Variants in FBXO24 observed in about 807,000 individuals in gnomAD.
FBXO24 encodes the protein F-box protein 24, also known as F-box only protein 24.
Under a neutral mutation model 63.5 loss-of-function variants are expected in FBXO24, and 30 were observed. The ratio of observed to expected loss-of-function variants is 0.47; its 90% CI spans 0.35 to 0.64. FBXO24 has a LOEUF of 0.64. Ranked by LOEUF, FBXO24 falls within the 30% of genes least tolerant of loss-of-function variation. The pLI, the probability that FBXO24 is intolerant of heterozygous loss-of-function variation, is 0.00. For synonymous variants in FBXO24, 300 were observed against 305.0 expected, an observed-to-expected ratio of 0.98 and a Z score of 0.17; for missense variants, 624 against 763.4, an observed-to-expected ratio of 0.82 and a Z score of 2.15.
At chr7:100,587,491 C>T (rs1329200866) in intron 1 of FBXO24, among the ~76,000 whole-genome samples, 1 of 151,154 alleles carries the variant, frequency 6.6e-6, no homozygotes, top group African/African-American at 2.4e-5. Context: ...TTAGTAGAGA[C>T]GGGGTTTCAC....
rs1390057500 is a variant in FBXO24, at chr7:100,600,130, G to A, written c.1306G>A (p.Gly436Ser). ...GTTCAGCAAGGAGCTGCTGGGCTGC[G>A]GCTGTGGGGCTGGGGGCCGCCTCCC... Reference protein sequence around the residue: ...SEFSKELLGCGCGAGGRLPGW... With the variant: ...SEFSKELLGCSCGAGGRLPGW... The change falls in exon 9 of 10, where the codon GGC (glycine) becomes AGC (serine). Residue 436 changes from glycine to serine, a missense_variant. Physicochemically the swap from Gly to Ser is moderately conservative, Grantham distance 56. Transcript: ENST00000241071. The surrounding 1 kb of genome is among the most constrained non-coding windows in gnomAD (Gnocchi z 6.3). 7.5e-6 allele frequency: 12 copies of A among 1,599,800 alleles called. No individual in the cohort carries two copies. The highest frequency in any genetic ancestry group is 1.1e-5 in the South Asian group (1 of 88,550).
At position 100,586,565 on chromosome 7, in the gene FBXO24, A is replaced by G; in HGVS notation, c.-61A>G. The G allele has an allele frequency of 6.4e-7, 1 of 1,572,440 alleles. No individual in the cohort carries two copies. The highest frequency in any genetic ancestry group is 1.7e-5 in the Admixed American group (1 of 59,706). On this transcript the variant is annotated 5_prime_UTR_variant, in exon 1 of 10. Transcript: ENST00000241071. ...AGTGACTGTCAAGAAGGCCAATTAG[A>G]GCCTCCGAAGGGAATCTGGACCTGC...
intron 1 of FBXO24, among the ~76,000 whole-genome samples, chr7:100,587,833 T>A (rs954153582): frequency 2.7e-5 from 4 of 148,912 alleles, no homozygotes; most frequent in Non-Finnish European, 4.5e-5. Context: ...ACTTTTGACC[T>A]CAAGCGATCC....
chr7:100,593,925 T>C (rs1261132063), intron 5 of FBXO24, among the ~76,000 whole-genome samples: 1 of 151,992 alleles, frequency 6.6e-6, no homozygotes, highest in East Asian at 1.9e-4. Flanking sequence ...CCTGAGACCC[T>C]TTAGGCTTTT....
intron 8 of FBXO24, 60 bp downstream of exon 8, chr7:100,595,766 A>C (rs1802277666): frequency 6.6e-7 from 1 of 1,513,912 alleles, no homozygotes; most frequent in East Asian, 2.3e-5. Flanking sequence ...CCTAACCCCC[A>C]GATCTGTCCA....
Position 100,586,420 on chromosome 7 carries a change from G to T in FBXO24, c.-206G>T, listed in dbSNP as rs565419330. 4 of 649,678 alleles carry T rather than the reference G, an allele frequency of 6.2e-6. No individual in the cohort carries two copies. The South Asian group carries it at 7.3e-5, about 12-fold the overall frequency. The allele number at this position is 649,678 out of a possible 1,614,324, so 40.2% of individuals were successfully genotyped here. A position where few individuals can be genotyped will look rare whatever the true frequency, so the allele number is the denominator to read the frequency against. ...TCAGATCGGGAGGTGGAGCCAATCA[G>T]GTCCAACCAAGAGGAGGGGACACCG... is the stretch of plus-strand genomic sequence containing the variant. On this transcript the variant is annotated 5_prime_UTR_variant, in exon 1 of 10. In the 5' UTR this introduces an upstream ATG that the reference lacks. Transcript: ENST00000241071.
At chr7:100,595,513 T>G (rs1396839037) in intron 7 of FBXO24, 62 bp from the exon 8 acceptor site, 5 of 1,516,658 alleles carry the variant, frequency 3.3e-6, no homozygotes, top group Non-Finnish European at 4.4e-6. Context: ...TTGGAGACTC[T>G]GGAACTCAGA....
chr7:100,600,785 A>T lies in FBXO24; in HGVS notation c.1629A>T (p.Val543=), dbSNP rs1802571342. The change falls in exon 10 of 10, where the codon GTA becomes GTT. Residue 543 remains valine (V), a synonymous_variant. Transcript: ENST00000241071. The surrounding 1 kb of genome is among the most constrained non-coding windows in gnomAD (Gnocchi z 6.3). Reference sequence around the variant, plus strand: ...GCACGGAGAAGATGAAGGAGATCGTAGGGTGGATGCCCCTGATGGCCGCAC... The same window carrying T: ...GCACGGAGAAGATGAAGGAGATCGTTGGGTGGATGCCCCTGATGGCCGCAC... ...QDRTEKMKEI[V]GWMPLMAAQK... The T allele has an allele frequency of 6.2e-7, 1 of 1,614,000 alleles. No individual in the cohort carries two copies. The highest frequency in any genetic ancestry group is 1.7e-5 in the Admixed American group (1 of 60,008).
At chr7:100,599,744 G>A (rs1183369479) in intron 8 of FBXO24, 2 of 410,378 alleles carry the variant, frequency 4.9e-6, no homozygotes, top group Non-Finnish European at 9.0e-6. Context: ...ATAGACGGGT[G>A]GGCTGAGAAT....
chr7:100,589,657 A>G, intron 1 of FBXO24: 1 of 1,501,136 alleles, frequency 6.7e-7, no homozygotes. Flanking sequence ...TGGGAAAGCC[A>G]GCAGGAACGG....
At chr7:100,596,786 T>G (rs1202970223) in intron 8 of FBXO24, among the ~76,000 whole-genome samples, 1 of 152,170 alleles carries the variant, frequency 6.6e-6, no homozygotes, top group African/African-American at 2.4e-5. Flanking sequence ...CTCACACCTG[T>G]AATCCCAGCA....
intron 1 of FBXO24, among the ~76,000 whole-genome samples, chr7:100,587,938 G>T (rs371542359): frequency 6.6e-6 from 1 of 151,126 alleles, no homozygotes; most frequent in East Asian, 2.0e-4. Flanking sequence ...GAGTCGCTCT[G>T]TTGCCCAGGC....
chr7:100,600,056 C>A lies in FBXO24; in HGVS notation c.1232C>A (p.Thr411Asn). 1 of 1,610,436 alleles carries A rather than the reference C, an allele frequency of 6.2e-7. No individual in the cohort carries two copies. The highest frequency in any genetic ancestry group is 8.5e-7 in the Non-Finnish European group (1 of 1,179,184). ...TQVCYLQRPI[T>N]LWCGLNHSLV... ...GTTTGTTACCTGCAGCGGCCCATCACCCTGTGGTGCGGCCTCAACCACTCC... is the reference window on the plus strand; with the variant it reads ...GTTTGTTACCTGCAGCGGCCCATCAACCTGTGGTGCGGCCTCAACCACTCC... The change falls in exon 9 of 10, where the codon ACC becomes AAC. Residue 411 changes from threonine (T) to asparagine (N), a missense_variant. By Grantham distance (65) the Thr-to-Asn change is moderately conservative. This residue lies in a region of FBXO24 where 216 missense variants were observed against 245.2 expected (regional missense o/e 0.88). Transcript: ENST00000241071. The surrounding 1 kb of genome is among the most constrained non-coding windows in gnomAD (Gnocchi z 6.3).
chr7:100,591,369 G>A (rs1802017951), intron 3 of FBXO24, among the ~76,000 whole-genome samples: 1 of 152,126 alleles, frequency 6.6e-6, no homozygotes, highest in African/African-American at 2.4e-5. Flanking sequence ...CGCAGCCTCT[G>A]TGTCTTTATT....
chr7:100,595,099 C>T lies in FBXO24; in HGVS notation c.953-3C>T. 6.2e-7 allele frequency: 1 copy of T among 1,613,966 alleles called. No individual in the cohort carries two copies. Among genetic ancestry groups the T allele is most frequent in the East Asian group, 2.2e-5 (1 of 44,884 alleles). On this transcript the variant is annotated splice_region_variant and splice_polypyrimidine_tract_variant and intron_variant, in intron 6 of 9. Transcript: ENST00000241071. ...GCTGAGCTGAGGGCTCCTGACCCCCCAGACCAGGGGGGAGTGTATTTTGAG... is the reference window on the plus strand; with the variant it reads ...GCTGAGCTGAGGGCTCCTGACCCCCTAGACCAGGGGGGAGTGTATTTTGAG...
In FBXO24 at chr7:100,586,472, G is replaced by T; in HGVS notation, c.-154G>T. 1 of 785,908 alleles carries T rather than the reference G, an allele frequency of 1.3e-6. No individual in the cohort carries two copies. The highest frequency in any genetic ancestry group is 2.1e-6 in the Non-Finnish European group (1 of 469,366). 48.7% of individuals were successfully genotyped at this position (785,908 alleles called of 1,614,324 possible). On this transcript the variant is annotated 5_prime_UTR_variant, in exon 1 of 10. It introduces an in-frame stop codon into an upstream open reading frame of the 5' UTR. Coordinates refer to ENST00000241071, the MANE Select transcript of FBXO24 (RefSeq NM_033506.3). ...CACTCCACTAGCAGGAAAACGGGCC[G>T]AGGGACCGCAAGCAGGGGGTGCCTA...
Position 100,600,753 on chromosome 7 carries a change from CAGGACCG to C in FBXO24, c.1598_1604del (p.Gln533ProfsTer5). 3 of 1,614,186 alleles carry C rather than the reference CAGGACCG, an allele frequency of 1.9e-6. No homozygotes were observed. Among genetic ancestry groups the C allele is most frequent in the Non-Finnish European group, 2.5e-6 (3 of 1,180,028 alleles). On this transcript the variant is annotated frameshift_variant, in exon 10 of 10. Transcript: ENST00000241071. LOFTEE classifies it high-confidence loss of function. The surrounding 1 kb of genome is among the most constrained non-coding windows in gnomAD (Gnocchi z 6.3). ...CCAGATCCACAGTTGCCAAACGTTG[CAGGACCG>C]CACGGAGAAGATGAAGGAGATCGTA...
At chr7:100,597,632 G>A (rs1185599246) in intron 8 of FBXO24, among the ~76,000 whole-genome samples, 1 of 152,096 alleles carries the variant, frequency 6.6e-6, no homozygotes, top group African/African-American at 2.4e-5. Context: ...GACCTCAGGT[G>A]ATCTGCACAC....
intron 8 of FBXO24, among the ~76,000 whole-genome samples, chr7:100,597,890 T>TG (rs1562821706): frequency 7.0e-6 from 1 of 143,340 alleles, no homozygotes; most frequent in African/African-American, 2.5e-5. Context: ...TTTTGTTTTT[T>TG]TTGTTTTTTT....
Sources: gnomAD v4.1 joint callset for allele counts (sites outside exome capture counted in the v4.1 genomes callset) on GRCh38, gnomAD v4.1.1 for gene constraint, gnomAD v4.1.1 regional missense constraint, Gnocchi (gnomAD v3.1) non-coding constraint, MANE v1.5 for transcripts, NCBI Gene and HGNC (gene_info 2026-07-23, HGNC 2026-07-21) for gene names.